The following SHISA6 variants were observed in gnomAD, a reference collection of about 807,000 sequenced individuals.
The protein encoded by SHISA6 is shisa family member 6.
SHISA6 carries 22 observed loss-of-function variants against 47.9 expected under a neutral mutation model. That is an observed-to-expected ratio of 0.46 (90% CI 0.33 to 0.66). The LOEUF (loss-of-function observed/expected upper bound fraction) is 0.66. Among genes scored for constraint, SHISA6 ranks in the 30% least tolerant of loss-of-function variants. SHISA6 has a pLI of 0.02. For missense variants in SHISA6, 680 were observed against 764.6 expected (o/e 0.89, Z 1.30); for synonymous variants, 388 against 337.8 (o/e 1.15, Z -1.63).
intron 3 of SHISA6, among the ~76,000 whole-genome samples, chr17:11,419,003 G>A (rs1304126896): frequency 7.9e-5 from 12 of 151,798 alleles, no homozygotes; most frequent in African/African-American, 1.9e-4. Context: ...TTCCAGGAAG[G>A]TCAAGAATAT....
intron 3 of SHISA6, among the ~76,000 whole-genome samples, chr17:11,482,393 A>AG (rs1479292724): frequency 3.3e-5 from 5 of 152,208 alleles, no homozygotes; most frequent in African/African-American, 1.2e-4. Context: ...TACACAGTGG[A>AG]GGGGAAGGTT....
chr17:11,394,606 AT>A (rs1213433326), intron 3 of SHISA6, among the ~76,000 whole-genome samples: 2 of 152,146 alleles, frequency 1.3e-5, no homozygotes, highest in Non-Finnish European at 2.9e-5. Context: ...CACCTCCCCC[AT>A]GACTGCTTAA....
chr17:11,249,137 CAAAAA>C (rs139559354), intron 1 of SHISA6, among the ~76,000 whole-genome samples: 2 of 60,500 alleles, frequency 3.3e-5, no homozygotes, highest in Non-Finnish European at 3.4e-5. Context: ...GACTCCGTCT[CAAAAA>C]AAAAAAAAAA....
At chr17:11,273,416 G>A (rs1366462669) in intron 2 of SHISA6, among the ~76,000 whole-genome samples, 1 of 152,176 alleles carries the variant, frequency 6.6e-6, no homozygotes, top group African/African-American at 2.4e-5. Context: ...TCAGCACAAG[G>A]GCAGGCGTTC....
intron 2 of SHISA6, among the ~76,000 whole-genome samples, chr17:11,268,529 T>G (rs1187374850): frequency 6.6e-6 from 1 of 152,208 alleles, no homozygotes. Context: ...CCCCAAATTT[T>G]CTAGCACTAG....
chr17:11,259,770 A>T (rs1335003910), intron 1 of SHISA6, among the ~76,000 whole-genome samples: 1 of 152,230 alleles, frequency 6.6e-6, no homozygotes, highest in Non-Finnish European at 1.5e-5. Flanking sequence ...GGCATTTGCT[A>T]AATTAGCTGA....
In SHISA6 at chr17:11,319,570, T is replaced by A. The variant is rs527991034; in HGVS notation, c.799+56044T>A. ...GCTGTTCTCCTTGAGGAGTTGCAAA[T>A]GTGGATTGCCTTCTTACTTTTAAAA... On this transcript the variant is annotated intron_variant, in intron 2 of 5. Coordinates refer to ENST00000441885, the MANE Select transcript of SHISA6 (RefSeq NM_207386.4). 1.5e-3 allele frequency among the ~76,000 whole-genome samples: 222 copies of A among 152,360 alleles called. 3 individuals are homozygous for A. The highest frequency in any genetic ancestry group is 0.012 in the Admixed American group (190 of 15,304).
chr17:11,529,563 G>A (rs1487876083), intron 3 of SHISA6, among the ~76,000 whole-genome samples: 1 of 152,106 alleles, frequency 6.6e-6, no homozygotes, highest in Non-Finnish European at 1.5e-5. Context: ...TTGGGGATGG[G>A]AATAATCTCT....
intron 2 of SHISA6, among the ~76,000 whole-genome samples, chr17:11,299,316 T>G (rs1490985905): frequency 6.6e-6 from 1 of 152,176 alleles, no homozygotes; most frequent in Non-Finnish European, 1.5e-5. Context: ...TATATTACAT[T>G]TAATTGTCCT....
intron 3 of SHISA6, among the ~76,000 whole-genome samples, chr17:11,529,132 G>A (rs2071711875): frequency 6.6e-6 from 1 of 151,774 alleles, no homozygotes; most frequent in Non-Finnish European, 1.5e-5. Flanking sequence ...GGCAGAGTTT[G>A]CAGTGAGCCA....
chr17:11,383,441 T>A (rs183724903), intron 3 of SHISA6, among the ~76,000 whole-genome samples: 2 of 152,202 alleles, frequency 1.3e-5, no homozygotes, highest in Non-Finnish European at 2.9e-5. Context: ...GTTAGTGGGA[T>A]TGAGAACGTG....
At chr17:11,394,682 A>T (rs1426104917) in intron 3 of SHISA6, among the ~76,000 whole-genome samples, 1 of 152,068 alleles carries the variant, frequency 6.6e-6, no homozygotes, top group Admixed American at 6.6e-5. Context: ...ATTTTTATTG[A>T]TTTTTTAATG....
chr17:11,387,933 C>T (rs917970299), intron 3 of SHISA6, among the ~76,000 whole-genome samples: 4 of 152,170 alleles, frequency 2.6e-5, no homozygotes, highest in Non-Finnish European at 5.9e-5. Context: ...CTCCCACCAG[C>T]CCATTTGTCT....
At chr17:11,327,982 T>G (rs1305426017) in intron 2 of SHISA6, among the ~76,000 whole-genome samples, 1 of 152,164 alleles carries the variant, frequency 6.6e-6, no homozygotes, top group Non-Finnish European at 1.5e-5. Context: ...ACACACAGTT[T>G]TGTTAAATTA....
intron 3 of SHISA6, among the ~76,000 whole-genome samples, chr17:11,505,964 T>C (rs572668088): frequency 6.6e-6 from 1 of 152,284 alleles, no homozygotes; most frequent in Admixed American, 6.5e-5. Flanking sequence ...TGGGGGAGTA[T>C]TCATGGACCT....
chr17:11,326,003 GCT>G (rs1363728219), intron 2 of SHISA6, among the ~76,000 whole-genome samples: 1 of 152,216 alleles, frequency 6.6e-6, no homozygotes, highest in African/African-American at 2.4e-5. Context: ...GGGCACAGTG[GCT>G]CACGCCTGTA....
intron 3 of SHISA6, among the ~76,000 whole-genome samples, chr17:11,451,379 G>A (rs1168596817): frequency 2.6e-5 from 4 of 152,132 alleles, no homozygotes; most frequent in Non-Finnish European, 4.4e-5. Flanking sequence ...TCATTCATCC[G>A]ACAAAAGCTT....
intron 1 of SHISA6, 142 bp downstream of exon 1, chr17:11,242,202 A>G: frequency 1.7e-6 from 2 of 1,177,640 alleles, no homozygotes; most frequent in Non-Finnish European, 2.4e-6. Flanking sequence ...TTTGCATGCA[A>G]TAAATCAGGG....
At chr17:11,447,918 G>A (rs1915277327) in intron 3 of SHISA6, among the ~76,000 whole-genome samples, 1 of 152,192 alleles carries the variant, frequency 6.6e-6, no homozygotes, top group Non-Finnish European at 1.5e-5. Flanking sequence ...AGTGGGCAGG[G>A]CTGGAGGGGC....
Sources: gnomAD v4.1 joint callset for allele counts (sites outside exome capture counted in the v4.1 genomes callset) on GRCh38, gnomAD v4.1.1 for gene constraint, MANE v1.5 for transcripts, NCBI Gene and HGNC (gene_info 2026-07-23, HGNC 2026-07-21) for gene names.